The following SHC3 variants were observed in gnomAD, a reference collection of about 807,000 sequenced individuals.
SHC3 encodes SHC-transforming protein 3.
SHC3 carries 15 observed loss-of-function variants against 60.4 expected under a neutral mutation model. The observed-to-expected ratio is 0.25, with a 90% CI of 0.17 to 0.38. The LOEUF (loss-of-function observed/expected upper bound fraction) is 0.38. Among genes scored for constraint, SHC3 ranks in the 10% least tolerant of loss-of-function variants. The probability of loss-of-function intolerance (pLI) is 1.00; values close to 1 mark genes in which losing one functional copy is unlikely to be tolerated. For synonymous variants in SHC3, 294 were observed against 325.9 expected (o/e 0.90, Z 1.05); for missense variants, 677 against 786.1 (o/e 0.86, Z 1.66).
At position 89,042,028 on chromosome 9, in the gene SHC3, A is replaced by C; in HGVS notation, c.1358T>G (p.Met453Arg). The C allele has an allele frequency of 6.2e-7, 1 of 1,613,858 alleles. No homozygotes were observed. Among genetic ancestry groups the C allele is most frequent in the Non-Finnish European group, 8.5e-7 (1 of 1,179,954 alleles). The change falls in exon 10 of 12, where the codon ATG (methionine) becomes AGG (arginine). Residue 453 changes from methionine to arginine, a missense_variant and splice_region_variant. Physicochemically the swap from Met to Arg is moderately conservative, Grantham distance 91 (BLOSUM62 -1). Coordinates refer to ENST00000375835, the MANE Select transcript of SHC3 (RefSeq NM_016848.6). ...ESSPRKDLFD[M>R]KPFEDALKNQ... ...ACCAGAGACAAACAGAAACCCACTCATGTCAAAGAGGTCTTTCCTTGGGCT... is the reference window on the plus strand; with the variant it reads ...ACCAGAGACAAACAGAAACCCACTCCTGTCAAAGAGGTCTTTCCTTGGGCT...
rs1451577863 is a variant in SHC3 at position 89,006,925 on chromosome 9, CAT to C, written c.*6520_*6521del. On this transcript the variant is annotated 3_prime_UTR_variant, in exon 12 of 12. Transcript: ENST00000375835. ...ACTTTGGTTATGGTAAAAATGATCACATGAGTGGGAATTCATTACCTCAAAGC... is the reference window on the plus strand; with the variant it reads ...ACTTTGGTTATGGTAAAAATGATCACGAGTGGGAATTCATTACCTCAAAGC... 5 of 152,214 alleles carry C rather than the reference CAT, an allele frequency of 3.3e-5. No homozygotes were observed. Among genetic ancestry groups the C allele is most frequent in the Non-Finnish European group, 7.3e-5 (5 of 68,046 alleles). The allele number at this position is 152,214 out of a possible 1,614,324, so 9.4% of individuals were successfully genotyped here.
At chr9:89,097,502 G>T (rs185851316) in intron 2 of SHC3, among the ~76,000 whole-genome samples, 1 of 152,340 alleles carries the variant, frequency 6.6e-6, no homozygotes, top group East Asian at 1.9e-4. Context: ...AAAAGGCCCT[G>T]GGGGCAGAAA....
Position 89,178,628 on chromosome 9 carries a change from A to C in SHC3, c.-168T>G. 1.9e-6 allele frequency: 1 copy of C among 519,218 alleles called. No homozygotes were observed. The highest frequency in any genetic ancestry group is 3.1e-6 in the Non-Finnish European group (1 of 319,942). 32.2% of individuals were successfully genotyped at this position (519,218 alleles called of 1,614,324 possible). A position where few individuals can be genotyped will look rare whatever the true frequency, so the allele number is the denominator to read the frequency against. ...CAGAGCAAGAGGATGGTGCCCTCCC[A>C]CCGTTAAAAGCCAGCACAGCGGCGG... On this transcript the variant is annotated 5_prime_UTR_variant, in exon 1 of 12. Coordinates refer to ENST00000375835, the MANE Select transcript of SHC3 (RefSeq NM_016848.6). This position sits in a 1 kb window ranked among gnomAD's most constrained non-coding sequence, Gnocchi z 6.9.
chr9:89,117,953 T>C (rs1826040351), intron 1 of SHC3, among the ~76,000 whole-genome samples: 1 of 152,162 alleles, frequency 6.6e-6, no homozygotes. Flanking sequence ...TGACAGTATA[T>C]TAAATACCTA....
In SHC3 at chr9:89,153,982, C is replaced by T. The variant is rs147047391; in HGVS notation, c.474+24005G>A. Among the ~76,000 whole-genome samples, 3 of 152,256 alleles carry T rather than the reference C, an allele frequency of 2.0e-5. No homozygotes were observed. The East Asian group carries it at 5.8e-4, about 29-fold the overall frequency. The stretch of plus-strand genomic sequence containing the variant: ...CCTTATAAACAGAGTGCTGCCGTTA[C>T]ACCCATTTTACAGATAAAGAACTTG... On this transcript the variant is annotated intron_variant, in intron 1 of 11. Transcript: ENST00000375835.
rs749464723 is a variant in SHC3 at position 89,077,864 on chromosome 9, C to T, written c.585G>A (p.Ala195=). 1.2e-6 allele frequency: 2 copies of T among 1,614,096 alleles called. No individual in the cohort carries two copies. Among genetic ancestry groups the T allele is most frequent in the Non-Finnish European group, 8.5e-7 (1 of 1,180,042 alleles). ...CCTTTCTCTTCTTGAAGGCTCCCTTCGCACCAGGCACAGCTTCACAGACGC... is the reference window on the plus strand; with the variant it reads ...CCTTTCTCTTCTTGAAGGCTCCCTTTGCACCAGGCACAGCTTCACAGACGC... ...ISRVCEAVPG[A]KGAFKKRKPP... The change falls in exon 3 of 12, where the codon GCG becomes GCA. Residue 195 remains alanine, a synonymous_variant. Transcript: ENST00000375835.
chr9:89,178,419 C>T lies in SHC3; in HGVS notation c.42G>A (p.Ser14=). Residue 14 remains serine, a synonymous_variant, in exon 1 of 12, where the codon TCG becomes TCA. Transcript: ENST00000375835. The surrounding 1 kb of genome is among the most constrained non-coding windows in gnomAD (Gnocchi z 6.9). The part of the protein sequence containing the change: ...RTKYNRFRND[S]VTSVDDLLHS... ...GGAGAAGGTCATCGACCGATGTCAC[C>T]GAGTCATTCCTGAAGCGGTTATACT... The T allele has an allele frequency of 2.0e-6, 3 of 1,530,724 alleles. No homozygotes were observed. Among genetic ancestry groups the T allele is most frequent in the Non-Finnish European group, 2.6e-6 (3 of 1,137,532 alleles). The allele number at this position is 1,530,724 out of a possible 1,614,324, so 94.8% of individuals were successfully genotyped here. A position where few individuals can be genotyped will look rare whatever the true frequency, so the allele number is the denominator to read the frequency against.
At chr9:89,125,046 G>T (rs1368664205) in intron 1 of SHC3, among the ~76,000 whole-genome samples, 4 of 152,138 alleles carry the variant, frequency 2.6e-5, no homozygotes. Flanking sequence ...GAAATACACA[G>T]AAGCCAGAAT....
At chr9:89,035,862 T>TATATATATATATA (rs1491088730) in intron 11 of SHC3, among the ~76,000 whole-genome samples, 26 of 105,116 alleles carry the variant, frequency 2.5e-4, no homozygotes, top group South Asian at 3.5e-4. Context: ...TGTGTGTGTG[T>TATATATATATATA]GTGTGTGTGT....
chr9:89,058,743 CG>C (rs539959254), intron 6 of SHC3, among the ~76,000 whole-genome samples: 376 of 92,856 alleles, frequency 4.0e-3, no homozygotes, highest in Non-Finnish European at 6.1e-3. Flanking sequence ...TGGTGAAGGG[CG>C]GTGGTGGAGG....
intron 11 of SHC3, among the ~76,000 whole-genome samples, chr9:89,025,284 C>T (rs1342598116): frequency 1.3e-5 from 2 of 152,126 alleles, no homozygotes; most frequent in Non-Finnish European, 2.9e-5. Flanking sequence ...GCTGGATCCA[C>T]TGAGAGACCC....
intron 9 of SHC3, among the ~76,000 whole-genome samples, chr9:89,044,476 T>C (rs1261946765): frequency 1.3e-5 from 2 of 152,244 alleles, no homozygotes; most frequent in Admixed American, 1.3e-4. Flanking sequence ...GGAATAAGCC[T>C]CAACATTAAA....
intron 2 of SHC3, among the ~76,000 whole-genome samples, chr9:89,100,073 A>G (rs748587709): frequency 2.0e-5 from 3 of 152,212 alleles, no homozygotes; most frequent in Non-Finnish European, 2.9e-5. Context: ...GACCCAATAA[A>G]CGTTAATTAA....
intron 1 of SHC3, among the ~76,000 whole-genome samples, chr9:89,148,393 CTG>C (rs1457007058): frequency 1.3e-5 from 2 of 152,302 alleles, no homozygotes; most frequent in African/African-American, 4.8e-5. Context: ...TCCTGTGACT[CTG>C]TAATTATTTC....
intron 1 of SHC3, among the ~76,000 whole-genome samples, chr9:89,171,917 T>C (rs112623188): frequency 1.3e-5 from 2 of 152,188 alleles, no homozygotes; most frequent in Non-Finnish European, 2.9e-5. Flanking sequence ...CCATAGATCA[T>C]AGAATCCATG....
Position 89,012,246 on chromosome 9 carries a change from G to C in SHC3, c.*1201C>G, listed in dbSNP as rs1471161178. On this transcript the variant is annotated 3_prime_UTR_variant, in exon 12 of 12. Coordinates refer to ENST00000375835, the MANE Select transcript of SHC3 (RefSeq NM_016848.6). ...TTTCTAACACCAAATGACTCCTCAG[G>C]AAATGACAGTATTTTACCTGGAAGA... 1.3e-5 allele frequency: 2 copies of C among 152,180 alleles called. No homozygotes were observed. The highest frequency in any genetic ancestry group is 2.9e-5 in the Non-Finnish European group (2 of 68,022). The allele number at this position is 152,180 out of a possible 1,614,324, so 9.4% of individuals were successfully genotyped here.
chr9:89,082,513 C>G (rs974268913), intron 2 of SHC3, among the ~76,000 whole-genome samples: 2 of 152,204 alleles, frequency 1.3e-5, no homozygotes, highest in Non-Finnish European at 2.9e-5. Context: ...GTGTCAAAGT[C>G]TTGGTCATCT....
At chr9:89,028,600 T>C (rs1824412351) in intron 11 of SHC3, among the ~76,000 whole-genome samples, 1 of 140,382 alleles carries the variant, frequency 7.1e-6, no homozygotes, top group Non-Finnish European at 1.5e-5. Context: ...TGTTTATGTG[T>C]ATATATATGC....
At chr9:89,027,373 G>T (rs1826332339) in intron 11 of SHC3, among the ~76,000 whole-genome samples, 1 of 138,562 alleles carries the variant, frequency 7.2e-6, no homozygotes, top group Non-Finnish European at 1.5e-5. Flanking sequence ...AGGCTGGAGT[G>T]CAGTGGCACG....
Sources: gnomAD v4.1 joint callset for allele counts (sites outside exome capture counted in the v4.1 genomes callset) on GRCh38, gnomAD v4.1.1 for gene constraint, Gnocchi (gnomAD v3.1) non-coding constraint, MANE v1.5 for transcripts, NCBI Gene and HGNC (gene_info 2026-07-23, HGNC 2026-07-21) for gene names.